CDH18: variants seen among roughly 807,000 people sequenced by gnomAD.
CDH18 encodes cadherin 18.
A neutral mutation model predicts 67.9 loss-of-function variants in CDH18; 31 were observed. The ratio of observed to expected loss-of-function variants is 0.46; its 90% confidence interval spans 0.34 to 0.62. CDH18 has a LOEUF of 0.62. Ranked by LOEUF, CDH18 falls within the 20% of genes least tolerant of loss-of-function variation. CDH18 has a pLI of 0.01. For synonymous variants in CDH18, 362 were observed against 347.2 expected (o/e 1.04, Z -0.48); for missense variants, 890 against 975.5 (o/e 0.91, Z 1.17).
chr5:20,141,956 A>G (rs1750277795), intron 2 of CDH18, among the ~76,000 whole-genome samples: 1 of 151,968 alleles, frequency 6.6e-6, no homozygotes, highest in African/African-American at 2.4e-5. Flanking sequence ...TAAATTTTGA[A>G]AATGCTATTA....
At chr5:20,319,573 A>G (rs1294637383) in intron 1 of CDH18, among the ~76,000 whole-genome samples, 1 of 152,108 alleles carries the variant, frequency 6.6e-6, no homozygotes, top group Non-Finnish European at 1.5e-5. Flanking sequence ...TTTCAGATAA[A>G]TTGCATTTTT....
rs548999856 is a variant in CDH18, at chr5:19,757,094, G to A, written c.229-9858C>T. 8.5e-5 allele frequency among the ~76,000 whole-genome samples: 13 copies of A among 152,306 alleles called. No individual in the cohort carries two copies. The South Asian group carries it at 2.5e-3, about 29-fold the overall frequency. On this transcript the variant is annotated intron_variant, in intron 3 of 12. Coordinates refer to ENST00000382275, the MANE Select transcript of CDH18 (RefSeq NM_004934.5). ...ATGGTAAGACCAGTTAATTCCATGA[G>A]GATAAGCCCACTGCCACACTTTTTT...
intron 2 of CDH18, among the ~76,000 whole-genome samples, chr5:20,230,463 CAGTT>C (rs1453877430): frequency 6.6e-6 from 1 of 152,086 alleles, no homozygotes; most frequent in Non-Finnish European, 1.5e-5. Context: ...CTTCCTAAAG[CAGTT>C]ATTTATTTCT....
chr5:19,636,647 A>C (rs201425035), intron 5 of CDH18, among the ~76,000 whole-genome samples: 2 of 151,832 alleles, frequency 1.3e-5, no homozygotes, highest in Non-Finnish European at 2.9e-5. Context: ...ATAAAGATAA[A>C]AAATATTTAT....
intron 8 of CDH18, among the ~76,000 whole-genome samples, chr5:19,549,356 A>G (rs1736930306): frequency 6.6e-6 from 1 of 152,104 alleles, no homozygotes; most frequent in African/African-American, 2.4e-5. Flanking sequence ...CCATGACTGT[A>G]AGTTCTCTGA....
intron 1 of CDH18, among the ~76,000 whole-genome samples, chr5:20,398,413 G>C (rs544368892): frequency 3.3e-5 from 5 of 152,054 alleles, no homozygotes; most frequent in African/African-American, 1.2e-4. Context: ...CTATAAAATG[G>C]TCACATTCAT....
intron 2 of CDH18, among the ~76,000 whole-genome samples, chr5:20,048,963 C>A (rs1741154096): frequency 6.6e-6 from 1 of 151,604 alleles, no homozygotes; most frequent in Non-Finnish European, 1.5e-5. Context: ...TCAAGGAATG[C>A]ATTTACACTG....
At chr5:20,523,617 T>C (rs1347201744) in intron 1 of CDH18, among the ~76,000 whole-genome samples, 1 of 152,194 alleles carries the variant, frequency 6.6e-6, no homozygotes, top group Non-Finnish European at 1.5e-5. Flanking sequence ...CTCCAGTCAC[T>C]GTAACCTCCG....
At chr5:19,484,288 A>T (rs1440458097) in intron 11 of CDH18, among the ~76,000 whole-genome samples, 2 of 152,194 alleles carry the variant, frequency 1.3e-5, no homozygotes, top group Non-Finnish European at 2.9e-5. Flanking sequence ...TACTAATTTA[A>T]AAGTAAATAA....
chr5:19,559,291 C>G (rs1269147901), intron 8 of CDH18, among the ~76,000 whole-genome samples: 1 of 151,898 alleles, frequency 6.6e-6, no homozygotes, highest in African/African-American at 2.4e-5. Flanking sequence ...TACTGTCTAA[C>G]AGAATTTGAC....
chr5:19,504,250 A>G (rs970351641), intron 10 of CDH18, among the ~76,000 whole-genome samples: 20 of 152,000 alleles, frequency 1.3e-4, no homozygotes, highest in African/African-American at 4.8e-4. Flanking sequence ...GAAGAGATCA[A>G]CTTCCTCATT....
intron 1 of CDH18, among the ~76,000 whole-genome samples, chr5:20,260,924 G>T (rs561119271): frequency 3.3e-4 from 51 of 152,266 alleles, no homozygotes; most frequent in Non-Finnish European, 6.6e-4. Context: ...TGAGCCTCAG[G>T]TGGGATCATA....
intron 2 of CDH18, among the ~76,000 whole-genome samples, chr5:20,208,724 A>G (rs778743877): frequency 6.6e-6 from 1 of 152,254 alleles, no homozygotes; most frequent in Non-Finnish European, 1.5e-5. Context: ...GACAAATGGG[A>G]TTACATCATG....
intron 1 of CDH18, among the ~76,000 whole-genome samples, chr5:20,289,273 T>G (rs371353085): frequency 1.3e-5 from 2 of 152,138 alleles, no homozygotes; most frequent in East Asian, 3.9e-4. Context: ...ATGAGAATTA[T>G]GAAATGACAG....
chr5:20,115,519 C>T (rs1350321296), intron 2 of CDH18, among the ~76,000 whole-genome samples: 2 of 151,738 alleles, frequency 1.3e-5, no homozygotes, highest in African/African-American at 2.4e-5. Context: ...TCTCATGATC[C>T]ACCCGCCTCA....
chr5:19,959,052 T>C (rs992119639), intron 2 of CDH18, among the ~76,000 whole-genome samples: 3 of 151,996 alleles, frequency 2.0e-5, no homozygotes, highest in Non-Finnish European at 4.4e-5. Context: ...TTTTAAAATA[T>C]AGCAGTCATG....
intron 5 of CDH18, among the ~76,000 whole-genome samples, chr5:19,685,222 A>G (rs1337124418): frequency 6.6e-6 from 1 of 152,218 alleles, no homozygotes; most frequent in African/African-American, 2.4e-5. Flanking sequence ...TAGCCAAACA[A>G]TCAGAAACCT....
intron 2 of CDH18, among the ~76,000 whole-genome samples, chr5:20,194,671 A>G (rs1368536017): frequency 3.1e-5 from 1 of 32,486 alleles, no homozygotes; most frequent in African/African-American, 1.0e-4. Flanking sequence ...TTTTTTTTTA[A>G]AAAGAATGGT....
At chr5:19,584,962 T>G (rs1743926474) in intron 7 of CDH18, among the ~76,000 whole-genome samples, 2 of 149,960 alleles carry the variant, frequency 1.3e-5, no homozygotes, top group South Asian at 4.3e-4. Flanking sequence ...ACCACTGCAC[T>G]CCAGCCTGGG....
Sources: gnomAD v4.1 joint callset for allele counts (sites outside exome capture counted in the v4.1 genomes callset) on GRCh38, gnomAD v4.1.1 for gene constraint, MANE v1.5 for transcripts, NCBI Gene and HGNC (gene_info 2026-07-23, HGNC 2026-07-21) for gene names.